The following TEX14 variants were observed in gnomAD, a reference collection of about 807,000 sequenced individuals.
The protein encoded by TEX14 is inactive serine/threonine-protein kinase TEX14.
TEX14 carries 168 observed loss-of-function variants against 178.6 expected under a neutral mutation model. That is an observed-to-expected ratio of 0.94 (90% CI 0.83 to 1.07). The LOEUF (loss-of-function observed/expected upper bound fraction) is 1.07. Among genes scored for constraint, TEX14 ranks in the 50% least tolerant of loss-of-function variants. TEX14 has a pLI of 0.00. For missense variants in TEX14, 1,730 were observed against 1,753.6 expected (o/e 0.99, Z 0.24); for synonymous variants, 626 against 634.1 (o/e 0.99, Z 0.19).
intron 1 of TEX14, among the ~76,000 whole-genome samples, chr17:58,684,545 G>A (rs1319564980): frequency 6.6e-6 from 1 of 151,446 alleles, no homozygotes; most frequent in Admixed American, 6.6e-5. Flanking sequence ...TGAGGCAGGA[G>A]AATCACTTGA....
At chr17:58,666,421 C>T (rs1303918671) in intron 1 of TEX14, 1 of 139,992 alleles carries the variant, frequency 7.1e-6, no homozygotes, top group Non-Finnish European at 1.5e-5. Context: ...CACTGCACTC[C>T]AGCCTAGATA....
chr17:58,576,358 G>A (rs2044675382), intron 21 of TEX14, among the ~76,000 whole-genome samples: 1 of 152,196 alleles, frequency 6.6e-6, no homozygotes, highest in Admixed American at 6.5e-5. Flanking sequence ...GGTGGCACAT[G>A]CCTATAATTC....
intron 17 of TEX14, 30 bp from the exon 18 acceptor site, chr17:58,586,112 C>T (rs1166947588): frequency 6.3e-7 from 1 of 1,592,324 alleles, no homozygotes; most frequent in Admixed American, 1.7e-5. Flanking sequence ...GCATTTAAAA[C>T]ATCACTGTAA....
At chr17:58,676,123 C>G (rs1480694217) in intron 1 of TEX14, among the ~76,000 whole-genome samples, 1 of 152,108 alleles carries the variant, frequency 6.6e-6, no homozygotes, top group Non-Finnish European at 1.5e-5. Flanking sequence ...CGCCTGTGAT[C>G]CCAGCACTTT....
chr17:58,633,016 A>T (rs985928314), intron 2 of TEX14, among the ~76,000 whole-genome samples: 20 of 152,128 alleles, frequency 1.3e-4, no homozygotes, highest in Admixed American at 7.9e-4. Context: ...TCGCACTTAA[A>T]AGGCCCTGTA....
intron 2 of TEX14, among the ~76,000 whole-genome samples, chr17:58,645,683 G>C (rs2046690544): frequency 6.6e-6 from 1 of 152,132 alleles, no homozygotes; most frequent in African/African-American, 2.4e-5. Context: ...TAAAGGATAA[G>C]AGAAGGGGAG....
intron 1 of TEX14, chr17:58,661,621 T>C (rs2047113570): frequency 1.4e-6 from 1 of 694,478 alleles, no homozygotes; most frequent in Non-Finnish European, 2.6e-6. Context: ...TGATGCGAAA[T>C]GTTGATTCCT....
chr17:58,621,852 A>G lies in TEX14; in HGVS notation c.418-66T>C, dbSNP rs1179207594. The stretch of plus-strand genomic sequence containing the variant: ...TTCTCAATGGAATGGAAGCTTGGGT[A>G]TGAAGATAAGTGGTCCGAGGAGCTG... On this transcript the variant is annotated intron_variant, in intron 4 of 31. Coordinates refer to ENST00000349033, the MANE Select transcript of TEX14 (RefSeq NM_031272.5). 3.3e-6 allele frequency: 5 copies of G among 1,533,540 alleles called. No individual in the cohort carries two copies. In the Admixed American group the frequency reaches 5.7e-5, roughly 17 times the overall value. The allele number at this position is 1,533,540 out of a possible 1,614,324, so 95.0% of individuals were successfully genotyped here.
At chr17:58,620,444 C>T (rs1389600109) in intron 5 of TEX14, among the ~76,000 whole-genome samples, 2 of 152,162 alleles carry the variant, frequency 1.3e-5, no homozygotes, top group Non-Finnish European at 2.9e-5. Context: ...ATCCTCTCAC[C>T]TCAGCCTCCA....
At chr17:58,610,371 T>C (rs1467789677) in intron 10 of TEX14, among the ~76,000 whole-genome samples, 1 of 152,160 alleles carries the variant, frequency 6.6e-6, no homozygotes, top group Non-Finnish European at 1.5e-5. Context: ...GCCACTGCAA[T>C]GTGGGAGGCA....
chr17:58,598,200 C>A (rs1199877069), intron 14 of TEX14, among the ~76,000 whole-genome samples: 1 of 151,684 alleles, frequency 6.6e-6, no homozygotes, highest in Non-Finnish European at 1.5e-5. Flanking sequence ...TGTAATCCCA[C>A]CTGCTAGGGA....
Position 58,593,605 on chromosome 17 carries a change from A to T in TEX14, c.2526T>A (p.Thr842=). Residue 842 remains threonine (T), a synonymous_variant, in exon 15 of 32, where the codon ACT becomes ACA. Transcript: ENST00000349033. ...KQNTDEQFQC[T]QGAKDSLETS... is the part of the protein sequence containing the mutation. ...TTTCCAAACTGTCCTTGGCTCCTTG[A>T]GTGCACTGAAATTGTTCATCTGTGT... The T allele has an allele frequency of 5.6e-6, 9 of 1,614,152 alleles. No homozygotes were observed. The highest frequency in any genetic ancestry group is 7.6e-6 in the Non-Finnish European group (9 of 1,180,010).
intron 1 of TEX14, chr17:58,661,683 CTGAATCGGGCGCTG>C: frequency 1.7e-6 from 1 of 605,386 alleles, no homozygotes; most frequent in East Asian, 2.8e-5. Context: ...AACAACCAGT[CTGAATCGGGCGCTG>C]CACGGCAGGG....
At chr17:58,578,433 T>C (rs184967851) in intron 20 of TEX14, among the ~76,000 whole-genome samples, 2 of 152,218 alleles carry the variant, frequency 1.3e-5, no homozygotes, top group African/African-American at 4.8e-5. Context: ...AGTGGCAGAA[T>C]GGGTCTTGGA....
At chr17:58,621,373 T>G (rs765092760) in intron 5 of TEX14, among the ~76,000 whole-genome samples, 6 of 152,246 alleles carry the variant, frequency 3.9e-5, no homozygotes, top group Non-Finnish European at 7.3e-5. Flanking sequence ...TCCTCAGACC[T>G]GAGATGTTCT....
intron 1 of TEX14, among the ~76,000 whole-genome samples, chr17:58,652,563 A>C (rs2046862353): frequency 6.6e-6 from 1 of 152,120 alleles, no homozygotes; most frequent in African/African-American, 2.4e-5. Flanking sequence ...AGTCAATTAC[A>C]CCTCTTTCCT....
At chr17:58,676,949 T>C (rs2047405215) in intron 1 of TEX14, among the ~76,000 whole-genome samples, 1 of 151,942 alleles carries the variant, frequency 6.6e-6, no homozygotes, top group East Asian at 1.9e-4. Context: ...AAACCCCGTC[T>C]CTACTAAAAA....
intron 8 of TEX14, 95 bp from the exon 9 acceptor site, chr17:58,613,639 C>T (rs372808170): frequency 4.8e-6 from 6 of 1,255,046 alleles, no homozygotes; most frequent in Non-Finnish European, 6.8e-6. Flanking sequence ...AAACAAATAC[C>T]ATTTGTATAC....
chr17:58,624,703 C>T (rs75227727), intron 3 of TEX14, among the ~76,000 whole-genome samples: 7,336 of 152,166 alleles, frequency 0.048, 374 homozygotes, highest in African/African-American at 0.13. Context: ...TACAAGCCAT[C>T]GCTTCTTGGC....
Sources: allele counts gnomAD v4.1 joint callset (sites outside exome capture counted in the v4.1 genomes callset), GRCh38; gene constraint gnomAD v4.1.1; transcripts MANE v1.5; gene names NCBI Gene and HGNC (gene_info 2026-07-23, HGNC 2026-07-21).